Variants in CAST observed in about 807,000 individuals in gnomAD.
CAST encodes calpastatin.
Under a neutral mutation model 119.6 loss-of-function variants are expected in CAST, and 76 were observed. The ratio of observed to expected loss-of-function variants is 0.64; its 90% confidence interval spans 0.53 to 0.77. The LOEUF (loss-of-function observed/expected upper bound fraction) is 0.77. Among genes scored for constraint, CAST ranks in the 30% least tolerant of loss-of-function variants. The probability of loss-of-function intolerance (pLI) is 0.00; values close to 1 mark genes in which losing one functional copy is unlikely to be tolerated. For missense variants in CAST, 953 were observed against 946.5 expected, an observed-to-expected ratio of 1.01 and a Z score of -0.09; for synonymous variants, 319 against 331.6, an observed-to-expected ratio of 0.96 and a Z score of 0.41.
intron 1 of CAST, among the ~76,000 whole-genome samples, chr5:96,604,641 T>C (rs773687583): frequency 6.6e-6 from 1 of 152,152 alleles, no homozygotes; most frequent in African/African-American, 2.4e-5. Context: ...TAAAGGAATA[T>C]GGAATGATTG....
the CAST span, among the ~76,000 whole-genome samples, chr5:96,337,480 C>G: frequency 1.3e-5 from 2 of 152,244 alleles, no homozygotes; most frequent in East Asian, 1.9e-4. Flanking sequence ...TATTAGGACA[C>G]CATTTATGTC....
At chr5:96,303,477 ATACTT>A in the CAST span, among the ~76,000 whole-genome samples, 2 of 152,182 alleles carry the variant, frequency 1.3e-5, no homozygotes, top group Non-Finnish European at 2.9e-5. Context: ...TATTTATAGT[ATACTT>A]TAAGTTCTGG....
chr5:96,015,495 A>C, the CAST span, among the ~76,000 whole-genome samples: 1 of 152,142 alleles, frequency 6.6e-6, no homozygotes, highest in Non-Finnish European at 1.5e-5. Flanking sequence ...CACTTTTGGT[A>C]CAATTTTTTT....
intron 1 of CAST, among the ~76,000 whole-genome samples, chr5:96,542,236 G>A (rs530550898): frequency 4.0e-5 from 6 of 151,246 alleles, no homozygotes; most frequent in East Asian, 2.0e-4. Context: ...CGTGAACCCC[G>A]GGGGGCGGAG....
the CAST span, among the ~76,000 whole-genome samples, chr5:96,366,473 C>T: frequency 8.5e-5 from 13 of 152,168 alleles, no homozygotes; most frequent in Non-Finnish European, 1.0e-4. Flanking sequence ...ACCAATGAGA[C>T]GTAGATTTGG....
At chr5:96,183,189 A>ATAATAATAATAG in the CAST span, among the ~76,000 whole-genome samples, 10 of 143,820 alleles carry the variant, frequency 7.0e-5, no homozygotes, top group South Asian at 2.2e-3. Context: ...AATAATAATA[A>ATAATAATAATAG]TAATAATACA....
chr5:96,384,650 G>A, the CAST span, among the ~76,000 whole-genome samples: 4,691 of 152,248 alleles, frequency 0.031, 249 homozygotes, highest in African/African-American at 0.11. Context: ...AAATAATCAG[G>A]AGCATGGGGA....
intron 1 of CAST, among the ~76,000 whole-genome samples, chr5:96,612,854 T>TATACACACATATATACATAC (rs2150196614): frequency 6.6e-6 from 1 of 152,332 alleles, no homozygotes; most frequent in African/African-American, 2.4e-5. Context: ...TCTAAATAAA[T>TATACACACATATATACATAC]ATACACACAT....
intron 9 of CAST, among the ~76,000 whole-genome samples, chr5:96,734,346 G>A (rs571070593): frequency 1.5e-4 from 23 of 152,290 alleles, no homozygotes; most frequent in South Asian, 1.4e-3. Flanking sequence ...AATTGAATCC[G>A]AGCTGCAGAA....
At chr5:96,664,247 T>C (rs750200646) in intron 1 of CAST, among the ~76,000 whole-genome samples, 26 of 152,208 alleles carry the variant, frequency 1.7e-4, no homozygotes, top group Middle Eastern at 6.8e-3. Context: ...TCTCCGTTTC[T>C]ATATAAATAG....
chr5:96,290,928 A>C, the CAST span, among the ~76,000 whole-genome samples: 1 of 152,156 alleles, frequency 6.6e-6, no homozygotes, highest in Non-Finnish European at 1.5e-5. Context: ...GCAACTTCTG[A>C]AGCTTGGTTA....
chr5:96,094,228 G>C, the CAST span, among the ~76,000 whole-genome samples: 1 of 152,178 alleles, frequency 6.6e-6, no homozygotes, highest in Non-Finnish European at 1.5e-5. Context: ...TTTGTTCTCT[G>C]ACTAATAATG....
intron 1 of CAST, among the ~76,000 whole-genome samples, chr5:96,602,129 A>T (rs1001942366): frequency 3.3e-5 from 5 of 152,178 alleles, no homozygotes; most frequent in Non-Finnish European, 5.9e-5. Flanking sequence ...TATATATGAG[A>T]ATACTCAAAG....
At chr5:96,771,561 T>C (rs1350905684) in intron 30 of CAST, 83 bp from the exon 31 acceptor site, 4 of 994,106 alleles carry the variant, frequency 4.0e-6, no homozygotes, top group Admixed American at 2.1e-5. Flanking sequence ...CTGCCATCTT[T>C]TGTCCCCTAA....
chr5:96,449,551 G>A, the CAST span, among the ~76,000 whole-genome samples: 1 of 152,152 alleles, frequency 6.6e-6, no homozygotes, highest in African/African-American at 2.4e-5. Context: ...TACATGATTA[G>A]GCTATGTAAA....
the CAST span, among the ~76,000 whole-genome samples, chr5:96,106,461 T>G: frequency 6.6e-6 from 1 of 152,176 alleles, no homozygotes; most frequent in Non-Finnish European, 1.5e-5. Flanking sequence ...TCTTTATTTC[T>G]GCCTTCATTT....
the CAST span, among the ~76,000 whole-genome samples, chr5:96,102,723 G>GTTTT: frequency 4.2e-5 from 6 of 142,218 alleles, no homozygotes; most frequent in Non-Finnish European, 6.1e-5. Context: ...TTTTCTTGGG[G>GTTTT]TTTTTTTTTT....
In CAST at chr5:96,773,074, T is replaced by C. The variant is rs922317037; in HGVS notation, c.*458T>C. ...AACATTCTTCAGTGTTCTGATTTCT[T>C]ATTACCCCCTTTCCTCTTGGGCTTT... is the stretch of plus-strand genomic sequence containing the variant. On this transcript the variant is annotated 3_prime_UTR_variant, in exon 32 of 32. Transcript: ENST00000675179. 1 of 153,918 alleles carries C rather than the reference T, an allele frequency of 6.5e-6. No individual in the cohort carries two copies. The highest frequency in any genetic ancestry group is 6.5e-5 in the Admixed American group (1 of 15,280). The allele number at this position is 153,918 out of a possible 1,614,324, so 9.5% of individuals were successfully genotyped here. A position where few individuals can be genotyped will look rare whatever the true frequency, so the allele number is the denominator to read the frequency against.
At chr5:96,349,834 A>G in the CAST span, among the ~76,000 whole-genome samples, 5 of 152,102 alleles carry the variant, frequency 3.3e-5, no homozygotes, top group African/African-American at 9.7e-5. Context: ...GCTATGTGGA[A>G]GTTGGAATGG....
Sources: gnomAD v4.1 joint callset for allele counts (sites outside exome capture counted in the v4.1 genomes callset) on GRCh38, gnomAD v4.1.1 for gene constraint, MANE v1.5 for transcripts, NCBI Gene and HGNC (gene_info 2026-07-23, HGNC 2026-07-21) for gene names.